The following IGSF10 variants were observed in gnomAD, a reference collection of about 807,000 sequenced individuals.
IGSF10 encodes the protein calvaria mechanical force protein 608.
Under a neutral mutation model 128.2 loss-of-function variants are expected in IGSF10, and 126 were observed. That is an observed-to-expected ratio of 0.98 (90% CI 0.85 to 1.14). The LOEUF (loss-of-function observed/expected upper bound fraction) is 1.14, where lower values mean the gene tolerates loss of function less well. Among genes scored for constraint, IGSF10 ranks in the 50% most tolerant of loss-of-function variants. The pLI, the probability that IGSF10 is intolerant of heterozygous loss-of-function variation, is 0.00. For missense variants in IGSF10, 3,295 were observed against 3,149.8 expected (o/e 1.05, Z -1.10); for synonymous variants, 1,185 against 1,146.2 (o/e 1.03, Z -0.68).
the IGSF10 span, among the ~76,000 whole-genome samples, chr3:151,610,851 T>C: frequency 1.3e-5 from 2 of 152,118 alleles, no homozygotes; most frequent in Non-Finnish European, 1.5e-5. Context: ...TAGGACCCAC[T>C]CCTGAGATAA....
the IGSF10 span, among the ~76,000 whole-genome samples, chr3:151,542,059 A>T: frequency 5.3e-5 from 8 of 152,232 alleles, no homozygotes; most frequent in African/African-American, 1.9e-4. Context: ...TTCCCAGGTG[A>T]TCTTATTTAT....
At chr3:151,573,813 C>G in the IGSF10 span, among the ~76,000 whole-genome samples, 2 of 152,238 alleles carry the variant, frequency 1.3e-5, no homozygotes, top group Non-Finnish European at 2.9e-5. Flanking sequence ...GATGCAGTTT[C>G]TTTCTAGCAT....
At position 151,438,386 on chromosome 3, in the gene IGSF10, C is replaced by T. The variant is rs912530027; in HGVS notation, c.6175G>A (p.Asp2059Asn). The T allele has an allele frequency of 2.5e-6, 4 of 1,614,036 alleles. No homozygotes were observed. The highest frequency in any genetic ancestry group is 3.4e-6 in the Non-Finnish European group (4 of 1,180,028). ...ACTGGGGAGCCGGAAGCTTTGCAAT[C>T]TACTTGGAAATCTTTCCCATGGAGC... The part of the protein sequence containing the change: ...QVLHGKDFQV[D>N]CKASGSPVPE... The change falls in exon 8 of 8, where the codon GAT becomes AAT. Residue 2059 changes from aspartate to asparagine, a missense_variant. Transcript: ENST00000282466.
chr3:151,529,685 T>A, the IGSF10 span, among the ~76,000 whole-genome samples: 1 of 151,968 alleles, frequency 6.6e-6, no homozygotes, highest in African/African-American at 2.4e-5. Flanking sequence ...GGACGTCCAC[T>A]CAGAGACCAC....
the IGSF10 span, among the ~76,000 whole-genome samples, chr3:151,470,173 T>A: frequency 6.6e-6 from 1 of 152,146 alleles, no homozygotes; most frequent in Non-Finnish European, 1.5e-5. Flanking sequence ...CTACTCTCAT[T>A]CAGTACATAG....
At chr3:151,569,272 A>G in the IGSF10 span, among the ~76,000 whole-genome samples, 1 of 152,156 alleles carries the variant, frequency 6.6e-6, no homozygotes, top group African/African-American at 2.4e-5. Context: ...GGGTGTCGCC[A>G]TGTTGGCCAG....
the IGSF10 span, among the ~76,000 whole-genome samples, chr3:151,513,840 G>C: frequency 6.6e-6 from 1 of 152,182 alleles, no homozygotes; most frequent in Admixed American, 6.5e-5. Context: ...GACAAACAGA[G>C]ACCAAAATCA....
the IGSF10 span, chr3:151,475,938 GT>G: frequency 6.4e-6 from 1 of 155,118 alleles, no homozygotes. Flanking sequence ...CAAGAGATAT[GT>G]TTTGTATGTT....
chr3:151,432,742 T>G (rs764769245), downstream of IGSF10: 1 of 1,611,696 alleles, frequency 6.2e-7, no homozygotes, highest in East Asian at 2.2e-5. Flanking sequence ...CAATTTATTT[T>G]TCTCCTTAGG....
At chr3:151,435,737 T>TAATTCATATAATACA (rs1377300012), downstream of IGSF10, 1 of 152,170 alleles carries the variant, frequency 6.6e-6, no homozygotes, top group Admixed American at 6.5e-5. Context: ...TTAATTCAGG[T>TAATTCATATAATACA]TGAATTAAGC....
the IGSF10 span, among the ~76,000 whole-genome samples, chr3:151,582,558 G>A: frequency 1.3e-5 from 2 of 152,050 alleles, no homozygotes; most frequent in African/African-American, 4.8e-5. Flanking sequence ...ATTGATTTAT[G>A]CTATTGTATT....
the IGSF10 span, among the ~76,000 whole-genome samples, chr3:151,467,742 G>A: frequency 3.3e-5 from 5 of 151,910 alleles, no homozygotes; most frequent in African/African-American, 9.7e-5. Context: ...AAATTAGCCG[G>A]GCGAGGTGGC....
the IGSF10 span, among the ~76,000 whole-genome samples, chr3:151,532,254 C>A: frequency 7.9e-5 from 12 of 152,122 alleles, no homozygotes; most frequent in South Asian, 2.1e-3. Context: ...CCAGAGTAAC[C>A]AAGAGGAGCT....
At position 151,442,547 on chromosome 3, in the gene IGSF10, A is replaced by ATTTTTTTTTT. The variant is rs3975406; in HGVS notation, c.5963+427_5963+436dup. Among the ~76,000 whole-genome samples, 53 of 125,522 alleles carry ATTTTTTTTTT rather than the reference A, an allele frequency of 4.2e-4. 1 individual carries two copies. The highest frequency in any genetic ancestry group is 1.3e-3 in the African/African-American group (41 of 31,720). 82.3% of individuals were successfully genotyped at this position (125,522 alleles called of 152,430 possible). A position where few individuals can be genotyped will look rare whatever the true frequency, so the allele number is the denominator to read the frequency against. ...GGCGCCCGGCCACCATGCCCGGCTA[A>ATTTTTTTTTT]TTTTTTTTTTTTTGTACTTTTAGTA... On this transcript the variant is annotated intron_variant, in intron 7 of 7. Transcript: ENST00000282466.
At chr3:151,500,186 T>TA in the IGSF10 span, among the ~76,000 whole-genome samples, 579 of 151,994 alleles carry the variant, frequency 3.8e-3, 2 homozygotes, top group African/African-American at 0.013. Flanking sequence ...TGCAGTCAAA[T>TA]AAAAAATGTA....
the IGSF10 span, among the ~76,000 whole-genome samples, chr3:151,601,481 T>C: frequency 5.3e-5 from 8 of 152,324 alleles, no homozygotes; most frequent in Admixed American, 1.3e-4. Flanking sequence ...AGTCTCATAC[T>C]GCCTTGGAAA....
the IGSF10 span, among the ~76,000 whole-genome samples, chr3:151,600,737 A>AT: frequency 1.3e-5 from 2 of 152,106 alleles, no homozygotes; most frequent in Admixed American, 1.3e-4. Flanking sequence ...TATAGTGTAT[A>AT]TTTTCTTACC....
the IGSF10 span, among the ~76,000 whole-genome samples, chr3:151,585,194 T>C: frequency 2.0e-5 from 3 of 152,194 alleles, no homozygotes; most frequent in Admixed American, 6.5e-5. Context: ...CAAAAAAGTA[T>C]GCAAAATATC....
Position 151,447,612 on chromosome 3 carries a change from G to A in IGSF10, c.2369C>T (p.Pro790Leu). The change falls in exon 6 of 8, where the codon CCT becomes CTT. Residue 790 changes from proline (P) to leucine (L), a missense_variant. Physicochemically the swap from Pro to Leu is moderately conservative, Grantham distance 98 (BLOSUM62 -3). Transcript: ENST00000282466. ...PPVVTQLPNIPGEEDDSSGML... is the reference protein window; with the variant it reads ...PPVVTQLPNILGEEDDSSGML... ...GCCTGAGGAATCGTCTTCTTCACCA[G>A]GTATGTTTGGGAGTTGGGTGACCAC... 1 of 1,614,124 alleles carries A rather than the reference G, an allele frequency of 6.2e-7. No individual in the cohort carries two copies. The highest frequency in any genetic ancestry group is 8.5e-7 in the Non-Finnish European group (1 of 1,180,016).
Sources: gnomAD v4.1 joint callset for allele counts (sites outside exome capture counted in the v4.1 genomes callset) on GRCh38, gnomAD v4.1.1 for gene constraint, MANE v1.5 for transcripts, NCBI Gene and HGNC (gene_info 2026-07-23, HGNC 2026-07-21) for gene names.